Variants in OR51B5 observed in about 807,000 individuals in gnomAD.
OR51B5 encodes the protein olfactory receptor family 51 subfamily B member 5.
For missense variants in OR51B5, 456 were observed against 374.6 expected, an observed-to-expected ratio of 1.22 and a Z score of -1.79; for synonymous variants, 186 against 144.8, an observed-to-expected ratio of 1.28 and a Z score of -2.04.
At chr11:5,428,615 G>A (rs1265792837) in intron 1 of OR51B5, among the ~76,000 whole-genome samples, 1 of 152,172 alleles carries the variant, frequency 6.6e-6, no homozygotes, top group Non-Finnish European at 1.5e-5. Flanking sequence ...GACTACTGTT[G>A]TAAATATGAA....
intron 1 of OR51B5, among the ~76,000 whole-genome samples, chr11:5,348,653 T>C (rs904880843): frequency 6.6e-6 from 1 of 152,106 alleles, no homozygotes; most frequent in Non-Finnish European, 1.5e-5. Flanking sequence ...TCCACTACTC[T>C]TCCATCTTCT....
At chr11:5,489,109 TAC>T (rs1851538520) in intron 1 of OR51B5, 1 of 1,613,986 alleles carries the variant, frequency 6.2e-7, no homozygotes. Context: ...CCCATTAAGG[TAC>T]ACAACCATTC....
chr11:5,433,098 C>A (rs984582335), intron 1 of OR51B5, among the ~76,000 whole-genome samples: 9 of 152,110 alleles, frequency 5.9e-5, no homozygotes, highest in African/African-American at 2.2e-4. Context: ...TGCTAATACA[C>A]AAGTTACCTC....
intron 1 of OR51B5, among the ~76,000 whole-genome samples, chr11:5,363,625 C>G (rs535799465): frequency 2.6e-4 from 39 of 152,208 alleles, no homozygotes; most frequent in African/African-American, 7.9e-4. Context: ...CTCATAGATA[C>G]TACTAAGATT....
intron 1 of OR51B5, chr11:5,351,836 C>T: frequency 1.9e-6 from 3 of 1,613,952 alleles, no homozygotes; most frequent in Non-Finnish European, 2.5e-6. Context: ...GTCATGGAGT[C>T]AGGTGTCTTG....
rs928713890 is a variant in OR51B5 at position 5,422,530 on chromosome 11, C to G, written n.85-75620G>C. The G allele has an allele frequency of 2.5e-6, 4 of 1,614,032 alleles. No homozygotes were observed. In the African/African-American group the frequency reaches 5.3e-5, roughly 22 times the overall value. ...AGTTTTTCTTCCTTCATGGATTCTC[C>G]TTTATGGAGTCTTCTGTCCTCCTGG... On this transcript the variant is annotated intron_variant and non_coding_transcript_variant, in intron 1 of 4. Coordinates refer to the OR51B5 transcript ENST00000415970.
downstream of OR51B5, among the ~76,000 whole-genome samples, chr11:5,341,633 G>C (rs1270512141): frequency 6.6e-6 from 1 of 152,122 alleles, no homozygotes; most frequent in African/African-American, 2.4e-5. Context: ...TATTCTTTGG[G>C]AAATTTACAC....
At chr11:5,374,519 C>T (rs1057295530) in intron 1 of OR51B5, among the ~76,000 whole-genome samples, 5 of 151,820 alleles carry the variant, frequency 3.3e-5, no homozygotes, top group African/African-American at 7.3e-5. Flanking sequence ...AGACTTCAGA[C>T]GATGAAACTA....
chr11:5,387,504 C>T (rs1849715084), intron 1 of OR51B5, among the ~76,000 whole-genome samples: 1 of 152,172 alleles, frequency 6.6e-6, no homozygotes, highest in Non-Finnish European at 1.5e-5. Context: ...ATCCATGCAG[C>T]ACCTCTGCTC....
chr11:5,355,811 T>C (rs1048342617), intron 1 of OR51B5, among the ~76,000 whole-genome samples: 1 of 152,026 alleles, frequency 6.6e-6, no homozygotes, highest in Admixed American at 6.5e-5. Flanking sequence ...AGCAAAATTT[T>C]CTTAAAGGAT....
intron 1 of OR51B5, among the ~76,000 whole-genome samples, chr11:5,405,700 A>G (rs893438737): frequency 1.3e-5 from 2 of 152,234 alleles, no homozygotes; most frequent in African/African-American, 4.8e-5. Context: ...TGCATTCTGC[A>G]TTGTAAAGAT....
intron 1 of OR51B5, among the ~76,000 whole-genome samples, chr11:5,480,103 G>T (rs550299942): frequency 1.9e-4 from 29 of 152,250 alleles, no homozygotes; most frequent in Non-Finnish European, 3.8e-4. Flanking sequence ...CCACGTACTT[G>T]GAAGTAAAGC....
chr11:5,364,458 C>T (rs1042370854), intron 1 of OR51B5, among the ~76,000 whole-genome samples: 1 of 152,166 alleles, frequency 6.6e-6, no homozygotes, highest in African/African-American at 2.4e-5. Flanking sequence ...TTTAGAAATT[C>T]CTGCCATATT....
In OR51B5 at chr11:5,502,412, T is replaced by C. The variant is rs531444170; in HGVS notation, n.84+3157A>G. The stretch of plus-strand genomic sequence containing the variant: ...TCTCTTTTATCCTTTCTCCTTTGCA[T>C]GAGACATTTTTCCCCTAGCTCTTTG... On this transcript the variant is annotated intron_variant and non_coding_transcript_variant, in intron 1 of 4. Coordinates refer to the OR51B5 transcript ENST00000415970. Among the ~76,000 whole-genome samples, 35 of 152,336 alleles carry C rather than the reference T, an allele frequency of 2.3e-4. 1 individual carries two copies. Among genetic ancestry groups the C allele is most frequent in the African/African-American group, 8.4e-4 (35 of 41,570 alleles).
rs761975701 is a variant in OR51B5, at chr11:5,351,605, A to G, written n.85-4695T>C. On this transcript the variant is annotated intron_variant and non_coding_transcript_variant, in intron 1 of 4. Coordinates refer to the OR51B5 transcript ENST00000415970. ...ATATTCATCCCATTATTGGCAGCCT[A>G]CATCTCCATACTTCTTGGCAATGGC... 4 of 1,613,998 alleles carry G rather than the reference A, an allele frequency of 2.5e-6. No homozygotes were observed. The South Asian group carries it at 3.3e-5, about 13-fold the overall frequency.
At chr11:5,454,113 A>T in intron 1 of OR51B5, 1 of 1,614,136 alleles carries the variant, frequency 6.2e-7, no homozygotes, top group Non-Finnish European at 8.5e-7. Flanking sequence ...CACCTTTGGC[A>T]TGGACCTGTT....
At chr11:5,499,541 A>C (rs991956719) in intron 1 of OR51B5, among the ~76,000 whole-genome samples, 1 of 152,198 alleles carries the variant, frequency 6.6e-6, no homozygotes, top group Non-Finnish European at 1.5e-5. Flanking sequence ...TTGAAGTCTA[A>C]CAGGGACCTC....
At chr11:5,346,819 C>G (rs1241003729), upstream of OR51B5, 1 of 152,136 alleles carries the variant, frequency 6.6e-6, no homozygotes, top group Admixed American at 6.5e-5. Flanking sequence ...TTTCACCATA[C>G]TCCCAGGTAC....
At chr11:5,419,777 T>C (rs1389848072) in intron 1 of OR51B5, among the ~76,000 whole-genome samples, 1 of 151,912 alleles carries the variant, frequency 6.6e-6, no homozygotes, top group Non-Finnish European at 1.5e-5. Context: ...CCTCTTTAAA[T>C]CCCAGTTTAT....
Sources: gnomAD v4.1 joint callset for allele counts (sites outside exome capture counted in the v4.1 genomes callset) on GRCh38, gnomAD v4.1.1 for gene constraint, MANE v1.5 for transcripts, NCBI Gene and HGNC (gene_info 2026-07-23, HGNC 2026-07-21) for gene names.